Variants in SIDT1 observed in about 807,000 individuals in gnomAD.
SIDT1 encodes SID1 transmembrane family member 1.
SIDT1 carries 101 observed loss-of-function variants against 107.5 expected under a neutral mutation model. That is an observed-to-expected ratio of 0.94 (90% CI 0.80 to 1.11). SIDT1 has a LOEUF of 1.11. SIDT1 is among the 50% of genes least tolerant of loss of function. The pLI is 0.00. For synonymous variants in SIDT1, 395 were observed against 398.2 expected (o/e 0.99, Z 0.10); for missense variants, 1,076 against 1,058.2 (o/e 1.02, Z -0.23).
intron 3 of SIDT1, 168 bp downstream of exon 3, chr3:113,567,878 T>C: frequency 1.5e-6 from 1 of 649,370 alleles, no homozygotes; most frequent in Non-Finnish European, 2.6e-6. Flanking sequence ...AGGGCCTTAA[T>C]CTATACAAAA....
intron 1 of SIDT1, among the ~76,000 whole-genome samples, chr3:113,566,059 C>T (rs886991273): frequency 1.3e-5 from 2 of 152,270 alleles, no homozygotes; most frequent in African/African-American, 2.4e-5. Context: ...TTGCCTGCTC[C>T]GTTCAAACTC....
intron 19 of SIDT1, among the ~76,000 whole-genome samples, chr3:113,615,847 A>C (rs950562482): frequency 3.3e-5 from 5 of 152,210 alleles, no homozygotes; most frequent in Non-Finnish European, 5.9e-5. Flanking sequence ...CACCCATGTT[A>C]TTTGTGAGTG....
chr3:113,622,355 T>C (rs893206482), intron 21 of SIDT1, among the ~76,000 whole-genome samples: 4 of 148,940 alleles, frequency 2.7e-5, no homozygotes, highest in African/African-American at 7.5e-5. Flanking sequence ...TCCCAGCTAC[T>C]CCAGAGGCTG....
Position 113,567,612 on chromosome 3 carries a change from A to T in SIDT1, c.417A>T (p.Gly139=). The change falls in exon 3 of 25, where the codon GGA becomes GGT. Residue 139 remains glycine (G), a synonymous_variant. Transcript: ENST00000264852. ...CCTCAGAAGCAACCAATGAGACGGG[A>T]CCCTTGCAGCAACTGATATTTGTAG... The part of the protein sequence containing the change: ...LCPSEATNET[G]PLQQLIFVDV... 1 of 1,614,096 alleles carries T rather than the reference A, an allele frequency of 6.2e-7. No individual in the cohort carries two copies.
rs138289871 is a variant in SIDT1 at position 113,608,535 on chromosome 3, C to T, written c.1719C>T (p.Phe573=). The T allele has an allele frequency of 1.5e-3, 2,418 of 1,590,206 alleles. 36 individuals carry two copies. The African/African-American group carries it at 0.026, about 17-fold the overall frequency. The change falls in exon 17 of 25, where the codon TTC becomes TTT. Residue 573 remains phenylalanine (F), a splice_region_variant and synonymous_variant. Transcript: ENST00000264852. ...HVCPNYSNFQ[F]DTSFMYMIAG... Reference sequence around the variant, plus strand: ...GCCCTAATTATTCCAACTTCCAATTCGGTAATTAGAACTTATATCTACTAT... The same window carrying T: ...GCCCTAATTATTCCAACTTCCAATTTGGTAATTAGAACTTATATCTACTAT...
At chr3:113,535,003 T>G (rs1260325994) in intron 1 of SIDT1, among the ~76,000 whole-genome samples, 1 of 152,208 alleles carries the variant, frequency 6.6e-6, no homozygotes, top group African/African-American at 2.4e-5. Flanking sequence ...CCAGGCATGA[T>G]GGCTCACACC....
In SIDT1 at chr3:113,584,738, C is replaced by T; in HGVS notation, c.876C>T (p.Asn292=). 6.2e-7 allele frequency: 1 copy of T among 1,600,264 alleles called. No individual in the cohort carries two copies. Among genetic ancestry groups the T allele is most frequent in the East Asian group, 2.2e-5 (1 of 44,648 alleles). The change falls in exon 8 of 25, where the codon AAC becomes AAT. Residue 292 remains asparagine, a synonymous_variant. Transcript: ENST00000264852. The stretch of plus-strand genomic sequence containing the variant: ...CCTGGAATCTACAGCGAAAAAAGAA[C>T]CTTGAAGTGACCATTGTCCCTTCCA... ...NQTWNLQRKK[N]LEVTIVPSIK...
At chr3:113,583,662 A>G (rs1354695481) in intron 7 of SIDT1, among the ~76,000 whole-genome samples, 166 bp downstream of exon 7, 3 of 152,236 alleles carry the variant, frequency 2.0e-5, no homozygotes, top group African/African-American at 7.2e-5. Flanking sequence ...AAAGATAGAA[A>G]GTAACAGATC....
At chr3:113,596,519 A>C (rs1391798853) in intron 10 of SIDT1, among the ~76,000 whole-genome samples, 3 of 152,202 alleles carry the variant, frequency 2.0e-5, no homozygotes, top group African/African-American at 7.2e-5. Flanking sequence ...GTTGGCAAAG[A>C]GCTGCTCCAG....
chr3:113,616,175 T>C lies in SIDT1; in HGVS notation c.2042T>C (p.Met681Thr). 3.1e-6 allele frequency: 5 copies of C among 1,609,050 alleles called. No homozygotes were observed. Among genetic ancestry groups the C allele is most frequent in the South Asian group, 2.2e-5 (2 of 90,970 alleles). Residue 681 changes from methionine (M) to threonine (T), a missense_variant and splice_region_variant, in exon 20 of 25, where the codon ATG becomes ACG. Coordinates refer to ENST00000264852, the MANE Select transcript of SIDT1 (RefSeq NM_017699.3). ...CIQQCSRPLY[M>T]DRMVLLVVGN... ...CAGCAGTGTAGCCGACCTCTATATATGGTATGTGCATGTTCCTGTGTTCTT... is the reference window on the plus strand; with the variant it reads ...CAGCAGTGTAGCCGACCTCTATATACGGTATGTGCATGTTCCTGTGTTCTT...
chr3:113,625,807 G>T, intron 23 of SIDT1: 1 of 300,920 alleles, frequency 3.3e-6, no homozygotes, highest in Non-Finnish European at 6.1e-6. Flanking sequence ...TTGTCAGATG[G>T]ATAGTTTGCA....
At chr3:113,616,763 A>T (rs1043726831) in intron 20 of SIDT1, among the ~76,000 whole-genome samples, 1 of 150,328 alleles carries the variant, frequency 6.7e-6, no homozygotes, top group African/African-American at 2.5e-5. Flanking sequence ...ATCTTGGCTC[A>T]CCGCAACCTC....
At position 113,627,754 on chromosome 3, in the gene SIDT1, G is replaced by A. The variant is rs1362156008; in HGVS notation, c.*46G>A. ...GGAGGGAGCGATCAATCTTGGTGCT[G>A]TTTCACAAAAATTACAGTGACCACA... On this transcript the variant is annotated 3_prime_UTR_variant, in exon 25 of 25. Transcript: ENST00000264852. The A allele has an allele frequency of 1.3e-6, 2 of 1,588,392 alleles. No individual in the cohort carries two copies. Among genetic ancestry groups the A allele is most frequent in the East Asian group, 4.5e-5 (2 of 44,762 alleles).
chr3:113,585,098 C>T (rs1259676605), intron 8 of SIDT1, 79 bp from the exon 9 acceptor site: 13 of 976,394 alleles, frequency 1.3e-5, no homozygotes, highest in Middle Eastern at 2.1e-4. Flanking sequence ...TGGAGGGGGC[C>T]CTTTAAGCCG....
At chr3:113,596,136 G>T (rs1944529437) in intron 10 of SIDT1, among the ~76,000 whole-genome samples, 1 of 152,212 alleles carries the variant, frequency 6.6e-6, no homozygotes, top group Non-Finnish European at 1.5e-5. Context: ...GCTAGAAGCA[G>T]CTTCTTAAAG....
chr3:113,599,274 G>T (rs2107646847), intron 10 of SIDT1, among the ~76,000 whole-genome samples: 1 of 152,342 alleles, frequency 6.6e-6, no homozygotes, highest in South Asian at 2.1e-4. Flanking sequence ...AAACTAAACA[G>T]AAAGAAGATG....
intron 17 of SIDT1, among the ~76,000 whole-genome samples, chr3:113,609,158 G>A (rs1945561323): frequency 6.7e-6 from 1 of 149,306 alleles, no homozygotes; most frequent in Non-Finnish European, 1.5e-5. Context: ...TGCCTCAGGG[G>A]TTCAAGTGAT....
intron 9 of SIDT1, among the ~76,000 whole-genome samples, chr3:113,587,063 C>T (rs556548456): frequency 6.6e-6 from 1 of 152,114 alleles, no homozygotes; most frequent in South Asian, 2.1e-4. Context: ...GTTAAATTTG[C>T]TGAATTCGAT....
chr3:113,618,445 G>A (rs1002448296), intron 20 of SIDT1, among the ~76,000 whole-genome samples: 1 of 152,168 alleles, frequency 6.6e-6, no homozygotes, highest in Non-Finnish European at 1.5e-5. Flanking sequence ...AATATCAAAG[G>A]GAGCTATTGC....
Sources: gnomAD v4.1 joint callset for allele counts (sites outside exome capture counted in the v4.1 genomes callset) on GRCh38, gnomAD v4.1.1 for gene constraint, MANE v1.5 for transcripts, NCBI Gene and HGNC (gene_info 2026-07-23, HGNC 2026-07-21) for gene names.